The following CHERP variants were observed in gnomAD, a reference collection of about 807,000 sequenced individuals.
CHERP encodes calcium homeostasis endoplasmic reticulum protein, also known as ERPROT 213-21.
A neutral mutation model predicts 113.8 loss-of-function variants in CHERP; 8 were observed. The observed-to-expected ratio is 0.07, with a 90% CI of 0.04 to 0.13. The LOEUF (loss-of-function observed/expected upper bound fraction) is 0.13. CHERP is among the 10% of genes least tolerant of loss of function. The pLI is 1.00. For missense variants in CHERP, 884 were observed against 1,298.2 expected, an observed-to-expected ratio of 0.68 and a Z score of 4.90; for synonymous variants, 559 against 524.5, an observed-to-expected ratio of 1.07 and a Z score of -0.90.
Position 16,523,229 on chromosome 19 carries a change from G to A in CHERP, c.1803C>T (p.His601=), listed in dbSNP as rs748457104. 10 of 1,599,804 alleles carry A rather than the reference G, an allele frequency of 6.3e-6. No individual in the cohort carries two copies. The highest frequency in any genetic ancestry group is 1.7e-4 in the Middle Eastern group (1 of 6,002). Residue 601 remains histidine, a synonymous_variant, in exon 11 of 17, where the codon CAC becomes CAT. Transcript: ENST00000546361. This position sits in a 1 kb window ranked among gnomAD's most constrained non-coding sequence, Gnocchi z 4.0. ...HRMPHPGINE[H]PPWAGPQHPD... is the part of the protein sequence containing the mutation. Reference sequence around the variant, plus strand: ...GGTGCTGGGGTCCAGCCCAAGGCGGGTGCTCGTTGATGCCAGGATGAGGCA... The same window carrying A: ...GGTGCTGGGGTCCAGCCCAAGGCGGATGCTCGTTGATGCCAGGATGAGGCA...
Position 16,536,054 on chromosome 19 carries a change from T to G in CHERP, c.200-418A>C, listed in dbSNP as rs570338667. 4.4e-4 allele frequency among the ~76,000 whole-genome samples: 67 copies of G among 152,286 alleles called. 1 individual carries two copies. The highest frequency in any genetic ancestry group is 9.3e-4 in the Non-Finnish European group (63 of 68,016). ...CGGCCACTCCCTGACCTCTGCCACT[T>G]AAGCTACCCATTGACTGTTAAGATG... On this transcript the variant is annotated intron_variant, in intron 2 of 16. Coordinates refer to ENST00000546361, the MANE Select transcript of CHERP (RefSeq NM_006387.6).
At chr19:16,537,765 C>G (rs2085751396) in intron 2 of CHERP, among the ~76,000 whole-genome samples, 1 of 152,272 alleles carries the variant, frequency 6.6e-6, no homozygotes, top group South Asian at 2.1e-4. Context: ...CCCTCTACCT[C>G]TTTTTGACAT....
At chr19:16,534,175 C>T (rs1443829662) in intron 3 of CHERP, among the ~76,000 whole-genome samples, 5 of 152,058 alleles carry the variant, frequency 3.3e-5, no homozygotes, top group Non-Finnish European at 5.9e-5. Flanking sequence ...CTCAGTCTCC[C>T]GCGTAGCTGG....
Position 16,542,427 on chromosome 19 carries a change from G to C in CHERP, c.-49C>G, listed in dbSNP as rs948542374. 2.3e-6 allele frequency: 3 copies of C among 1,316,064 alleles called. No individual in the cohort carries two copies. The highest frequency in any genetic ancestry group is 2.9e-5 in the East Asian group (1 of 34,640). The allele number at this position is 1,316,064 out of a possible 1,614,324, so 81.5% of individuals were successfully genotyped here. ...TCCGGCGCCACACGATCGACCACCA[G>C]CGCCGTCTGCGGAAGCCGGCCGGAA... On this transcript the variant is annotated 5_prime_UTR_variant, in exon 1 of 17. Coordinates refer to ENST00000546361, the MANE Select transcript of CHERP (RefSeq NM_006387.6).
intron 11 of CHERP, 94 bp from the exon 12 acceptor site, chr19:16,521,748 G>A: frequency 8.0e-7 from 1 of 1,253,152 alleles, no homozygotes; most frequent in Non-Finnish European, 1.1e-6. Context: ...GCAGGGCCCA[G>A]GTTCAGTGTC....
At position 16,523,312 on chromosome 19, in the gene CHERP, C is replaced by T; in HGVS notation, c.1742-22G>A. 1.9e-6 allele frequency: 3 copies of T among 1,601,364 alleles called. No individual in the cohort carries two copies. The highest frequency in any genetic ancestry group is 2.6e-6 in the Non-Finnish European group (3 of 1,174,916). On this transcript the variant is annotated intron_variant, in intron 10 of 16. Coordinates refer to ENST00000546361, the MANE Select transcript of CHERP (RefSeq NM_006387.6). The surrounding 1 kb of genome is among the most constrained non-coding windows in gnomAD (Gnocchi z 4.0). ...ATTTCTGCAAAACAGAGACTTGCCT[C>T]AGGACCACAGGCCAGTCAGGATCTC...
At chr19:16,539,520 TTTTGC>T (rs2085763872) in intron 2 of CHERP, among the ~76,000 whole-genome samples, 1 of 151,964 alleles carries the variant, frequency 6.6e-6, no homozygotes, top group Admixed American at 6.6e-5. Flanking sequence ...ACATACAATA[TTTTGC>T]TTACGATTTC....
At position 16,533,219 on chromosome 19, in the gene CHERP, T is replaced by G. The variant is rs2085719113; in HGVS notation, c.385-71A>C. 3.3e-6 allele frequency: 5 copies of G among 1,492,892 alleles called. No homozygotes were observed. The Admixed American group carries it at 1.0e-4, about 30-fold the overall frequency. 92.5% of individuals were successfully genotyped at this position (1,492,892 alleles called of 1,614,324 possible). On this transcript the variant is annotated intron_variant, in intron 3 of 16. Transcript: ENST00000546361. ...CGCAGCCTGAGCCCTCCGGCCTGGC[T>G]CAGCAGGGGCGGGGTGGGGACATGG...
In CHERP at chr19:16,519,938, C is replaced by A. The variant is rs2122239201; in HGVS notation, c.2462+211G>T. The A allele has an allele frequency of 1.5e-6, 1 of 663,146 alleles. No individual in the cohort carries two copies. Among genetic ancestry groups the A allele is most frequent in the Non-Finnish European group, 2.6e-6 (1 of 386,168 alleles). The allele number at this position is 663,146 out of a possible 1,614,324, so 41.1% of individuals were successfully genotyped here. A position where few individuals can be genotyped will look rare whatever the true frequency, so the allele number is the denominator to read the frequency against. ...CTCAGCATTGAGAGCAGGACACCTC[C>A]AACCCAGATGGTGGTTAGAAAGCAG... On this transcript the variant is annotated intron_variant, in intron 15 of 16. Coordinates refer to ENST00000546361, the MANE Select transcript of CHERP (RefSeq NM_006387.6). This position sits in a 1 kb window ranked among gnomAD's most constrained non-coding sequence, Gnocchi z 6.0.
chr19:16,529,094 G>A (rs2085677405), intron 8 of CHERP, among the ~76,000 whole-genome samples: 1 of 152,204 alleles, frequency 6.6e-6, no homozygotes, highest in South Asian at 2.1e-4. Flanking sequence ...GTGCAGTGGT[G>A]TAAATGCAGC....
At chr19:16,536,307 C>A (rs1357307479) in intron 2 of CHERP, among the ~76,000 whole-genome samples, 1 of 152,170 alleles carries the variant, frequency 6.6e-6, no homozygotes, top group East Asian at 1.9e-4. Context: ...GCGCAGGTCC[C>A]AACTCTGGCC....
Position 16,520,580 on chromosome 19 carries a change from C to T in CHERP, c.2202-73G>A, listed in dbSNP as rs1032418591. On this transcript the variant is annotated intron_variant, in intron 13 of 16. Transcript: ENST00000546361. This position sits in a 1 kb window ranked among gnomAD's most constrained non-coding sequence, Gnocchi z 4.0. ...CCCAGCCCACCCTGGCCCTCAGGTT[C>T]CTAGACCACCCCAGATGCAGGGGCT... The T allele has an allele frequency of 6.6e-7, 1 of 1,516,966 alleles. No homozygotes were observed. Among genetic ancestry groups the T allele is most frequent in the Non-Finnish European group, 9.0e-7 (1 of 1,117,048 alleles). The allele number at this position is 1,516,966 out of a possible 1,614,324, so 94.0% of individuals were successfully genotyped here. A position where few individuals can be genotyped will look rare whatever the true frequency, so the allele number is the denominator to read the frequency against.
rs1373973404 is a variant in CHERP, at chr19:16,530,639, A to G, written c.822T>C (p.Asp274=). 1.2e-6 allele frequency: 2 copies of G among 1,614,086 alleles called. No individual in the cohort carries two copies. The highest frequency in any genetic ancestry group is 1.3e-5 in the African/African-American group (1 of 75,068). Residue 274 remains aspartate (D), a synonymous_variant, in exon 7 of 17, where the codon GAT becomes GAC. Transcript: ENST00000546361. This position sits in a 1 kb window ranked among gnomAD's most constrained non-coding sequence, Gnocchi z 4.1. ...TCTGTAGCTGCTGAATGATGGAGTCATCGAAGTAGCCGTTTTTCTCCCAGA... is the reference window on the plus strand; with the variant it reads ...TCTGTAGCTGCTGAATGATGGAGTCGTCGAAGTAGCCGTTTTTCTCCCAGA... ...LQLWEKNGYF[D]DSIIQQLQSP... is the part of the protein sequence containing the mutation.
In CHERP at chr19:16,530,865, G is replaced by A. The variant is rs993933658; in HGVS notation, c.690C>T (p.Ala230=). ...DVLHHCQRKQ[A]RELLAALQKV... Reference sequence around the variant, plus strand: ...TCTGCAGGGCGGCCAGCAGCTCCCGGGCCTGCTTGCGCTGGCTGTGAGGGA... The same window carrying A: ...TCTGCAGGGCGGCCAGCAGCTCCCGAGCCTGCTTGCGCTGGCTGTGAGGGA... The change falls in exon 6 of 17, where the codon GCC becomes GCT. Residue 230 remains alanine, a synonymous_variant. Coordinates refer to ENST00000546361, the MANE Select transcript of CHERP (RefSeq NM_006387.6). This position sits in a 1 kb window ranked among gnomAD's most constrained non-coding sequence, Gnocchi z 4.1. The A allele has an allele frequency of 1.9e-5, 30 of 1,613,336 alleles. No homozygotes were observed. Among genetic ancestry groups the A allele is most frequent in the African/African-American group, 4.0e-5 (3 of 74,938 alleles).
At position 16,520,346 on chromosome 19, in the gene CHERP, G is replaced by A; in HGVS notation, c.2345+18C>T. ...AGGAAGAGGCCTCAGGCACTGCCCT[G>A]AGGCAGCCTCTGCCTACCTAGATCT... On this transcript the variant is annotated intron_variant, in intron 14 of 16. Transcript: ENST00000546361. This position sits in a 1 kb window ranked among gnomAD's most constrained non-coding sequence, Gnocchi z 4.0. The A allele has an allele frequency of 6.2e-7, 1 of 1,612,078 alleles. No individual in the cohort carries two copies. The highest frequency in any genetic ancestry group is 2.2e-5 in the East Asian group (1 of 44,852).
In CHERP at chr19:16,530,903, G is replaced by A. The variant is rs773374989; in HGVS notation, c.675-23C>T. On this transcript the variant is annotated intron_variant, in intron 5 of 16. Coordinates refer to ENST00000546361, the MANE Select transcript of CHERP (RefSeq NM_006387.6). This position sits in a 1 kb window ranked among gnomAD's most constrained non-coding sequence, Gnocchi z 4.1. ...TGGCTGTGAGGGAGAGACTTTCCGCGCGTCAGGGCCCTGGGGCGGGACCCG... is the reference window on the plus strand; with the variant it reads ...TGGCTGTGAGGGAGAGACTTTCCGCACGTCAGGGCCCTGGGGCGGGACCCG... 16 of 1,609,234 alleles carry A rather than the reference G, an allele frequency of 9.9e-6. No individual in the cohort carries two copies. Among genetic ancestry groups the A allele is most frequent in the African/African-American group, 4.0e-5 (3 of 74,876 alleles).
chr19:16,522,126 C>A (rs1054668404), intron 11 of CHERP, among the ~76,000 whole-genome samples: 1 of 152,208 alleles, frequency 6.6e-6, no homozygotes, highest in African/African-American at 2.4e-5. Flanking sequence ...CCTGGGCCCC[C>A]GCCCGCAGCT....
At chr19:16,533,773 AAACAACAACAAC>A (rs36119133) in intron 3 of CHERP, among the ~76,000 whole-genome samples, 25 of 151,138 alleles carry the variant, frequency 1.7e-4, no homozygotes, top group Non-Finnish European at 3.4e-4. Flanking sequence ...AACAACAACA[AAACAACAACAAC>A]AACAACAACA....
intron 1 of CHERP, 48 bp downstream of exon 1, chr19:16,542,306 G>C: frequency 7.1e-7 from 1 of 1,400,476 alleles, no homozygotes; most frequent in Non-Finnish European, 9.4e-7. Context: ...CGGCCAATAG[G>C]AGGTTCCGGG....
Sources: gnomAD v4.1 joint callset for allele counts (sites outside exome capture counted in the v4.1 genomes callset) on GRCh38, gnomAD v4.1.1 for gene constraint, Gnocchi (gnomAD v3.1) non-coding constraint, MANE v1.5 for transcripts, NCBI Gene and HGNC (gene_info 2026-07-23, HGNC 2026-07-21) for gene names.